Variants in KANSL3 observed in about 807,000 individuals in gnomAD.
KANSL3 encodes NSL complex protein NSL3.
A neutral mutation model predicts 89.2 loss-of-function variants in KANSL3; 16 were observed. The ratio of observed to expected loss-of-function variants is 0.18; its 90% CI spans 0.12 to 0.27. The LOEUF is 0.27. KANSL3 is among the 10% of genes least tolerant of loss of function. The pLI is 1.00. For synonymous variants in KANSL3, 385 were observed against 419.7 expected, an observed-to-expected ratio of 0.92 and a Z score of 1.01; for missense variants, 879 against 1,110.6, an observed-to-expected ratio of 0.79 and a Z score of 2.96.
At chr2:96,603,405 A>C (rs2067479218) in intron 17 of KANSL3, 1 of 152,698 alleles carries the variant, frequency 6.5e-6, no homozygotes, top group Non-Finnish European at 1.5e-5. Flanking sequence ...GCCTCAGCCT[A>C]CCAAGCAGCT....
At chr2:96,633,500 C>T (rs910039058) in intron 2 of KANSL3, among the ~76,000 whole-genome samples, 4 of 149,140 alleles carry the variant, frequency 2.7e-5, no homozygotes, top group Admixed American at 6.8e-5. Context: ...ACCCGGGAGA[C>T]GGAGGTTGCA....
chr2:96,622,046 G>A (rs1402346673), intron 3 of KANSL3, among the ~76,000 whole-genome samples: 2 of 151,936 alleles, frequency 1.3e-5, no homozygotes, highest in Non-Finnish European at 1.5e-5. Context: ...CCTGGGAGGC[G>A]GAGGTTGCAG....
At chr2:96,628,224 C>A in intron 3 of KANSL3, 1 of 1,233,444 alleles carries the variant, frequency 8.1e-7, no homozygotes, top group Non-Finnish European at 1.0e-6. Flanking sequence ...TGCTGTGCCT[C>A]CTGTGTAGAC....
chr2:96,613,357 C>G (rs2069363170), intron 6 of KANSL3, 131 bp downstream of exon 6: 2 of 750,788 alleles, frequency 2.7e-6, no homozygotes, highest in African/African-American at 3.6e-5. Flanking sequence ...GGTAACAGAG[C>G]AAGATTCTGT....
At chr2:96,612,389 G>A (rs2069166622) in intron 8 of KANSL3, 36 bp from the exon 9 acceptor site, 1 of 1,605,834 alleles carries the variant, frequency 6.2e-7, no homozygotes, top group East Asian at 2.2e-5. Flanking sequence ...TAAGACAGGA[G>A]GCCAAAGATA....
At chr2:96,592,603 C>T (rs1056802758), downstream of KANSL3, among the ~76,000 whole-genome samples, 1 of 152,202 alleles carries the variant, frequency 6.6e-6, no homozygotes, top group Non-Finnish European at 1.5e-5. Flanking sequence ...AACCCTAGCA[C>T]AATGCAGAGT....
Position 96,605,438 on chromosome 2 carries a change from G to A in KANSL3, c.1815C>T (p.Pro605=). 6.2e-7 allele frequency: 1 copy of A among 1,613,976 alleles called. No homozygotes were observed. Among genetic ancestry groups the A allele is most frequent in the South Asian group, 1.1e-5 (1 of 91,080 alleles). The change falls in exon 15 of 21, where the codon CCC becomes CCT. Residue 605 remains proline (P), a synonymous_variant. Coordinates refer to ENST00000431828, the MANE Select transcript of KANSL3 (RefSeq NM_001115016.3). ...DLRVQLKRHH[P]SSPLPGSKTS... is the part of the protein sequence containing the mutation. ...TCTTACTGCCAGGAAGGGGACTCGA[G>A]GGATGGTGTCGCTTCAGCTGAACCC... is the stretch of plus-strand genomic sequence containing the variant.
intron 16 of KANSL3, 97 bp from the exon 17 acceptor site, chr2:96,604,477 C>A: frequency 7.2e-7 from 1 of 1,396,480 alleles, no homozygotes; most frequent in South Asian, 1.4e-5. Flanking sequence ...GCAAGGCTTT[C>A]AGCAGCAGAC....
At chr2:96,632,431 C>T (rs1325696348) in intron 2 of KANSL3, among the ~76,000 whole-genome samples, 1 of 152,170 alleles carries the variant, frequency 6.6e-6, no homozygotes, top group Non-Finnish European at 1.5e-5. Context: ...CACTGCACTC[C>T]AGTCTGGGTG....
intron 3 of KANSL3, among the ~76,000 whole-genome samples, chr2:96,626,256 A>G (rs1442732104): frequency 6.6e-6 from 1 of 152,018 alleles, no homozygotes; most frequent in Non-Finnish European, 1.5e-5. Context: ...GGAGACACAA[A>G]GTACATCAGA....
At chr2:96,602,969 T>C in intron 17 of KANSL3, 107 bp from the exon 18 acceptor site, 1 of 1,013,342 alleles carries the variant, frequency 9.9e-7, no homozygotes, top group South Asian at 1.4e-5. Context: ...CAGTGGTGCT[T>C]GCCCTTGGAC....
At chr2:96,627,866 T>C (rs1189524158) in intron 3 of KANSL3, 1 of 1,269,948 alleles carries the variant, frequency 7.9e-7, no homozygotes, top group African/African-American at 1.5e-5. Flanking sequence ...TATCTGAAAC[T>C]GAAACTAATA....
intron 1 of KANSL3, among the ~76,000 whole-genome samples, chr2:96,637,439 G>A (rs1172644707): frequency 2.6e-5 from 4 of 152,090 alleles, no homozygotes; most frequent in Non-Finnish European, 5.9e-5. Context: ...AGAGCTCACC[G>A]ACCCCAAGGT....
downstream of KANSL3, among the ~76,000 whole-genome samples, chr2:96,592,463 C>G (rs2066293746): frequency 6.6e-6 from 1 of 152,174 alleles, no homozygotes; most frequent in African/African-American, 2.4e-5. Context: ...TAGGCTCAGC[C>G]AAGAGCCCCA....
chr2:96,603,943 G>A (rs1295693537), intron 17 of KANSL3: 1 of 213,080 alleles, frequency 4.7e-6, no homozygotes, highest in Non-Finnish European at 9.2e-6. Context: ...ATCTCCTGTG[G>A]ATAAGAAAGG....
rs2068367038 is a variant in KANSL3 at position 96,608,613 on chromosome 2, T to A, written c.1636A>T (p.Thr546Ser). The A allele has an allele frequency of 6.2e-7, 1 of 1,613,992 alleles. No homozygotes were observed. Among genetic ancestry groups the A allele is most frequent in the South Asian group, 1.1e-5 (1 of 91,076 alleles). ...GACTTCTGGGCAGAGGTCACTGTGG[T>A]CACTTTGGTCTTGGGACTGGAGGTG... is the stretch of plus-strand genomic sequence containing the variant. ...SPTSSPKTKV[T>S]TVTSAQKSSQ... The change falls in exon 14 of 21, where the codon ACC (threonine) becomes TCC (serine). Residue 546 changes from threonine (T) to serine (S), a missense_variant. Physicochemically the swap from Thr to Ser is moderately conservative, Grantham distance 58. Transcript: ENST00000431828.
At chr2:96,586,144 G>A in the KANSL3 span, among the ~76,000 whole-genome samples, 1 of 151,082 alleles carries the variant, frequency 6.6e-6, no homozygotes, top group African/African-American at 2.4e-5. Context: ...AGAATCACTT[G>A]AACCCGGGAG....
chr2:96,599,950 T>A lies in KANSL3; in HGVS notation c.2616+1693A>T, dbSNP rs141536628. On this transcript the variant is annotated intron_variant, in intron 20 of 20. Coordinates refer to ENST00000431828, the MANE Select transcript of KANSL3 (RefSeq NM_001115016.3). The stretch of plus-strand genomic sequence containing the variant: ...GCTGCCCAGATATTAGAGGTACACA[T>A]CCTCTACTTATTCTCTGGCCTGGAG... Among the ~76,000 whole-genome samples the A allele has an allele frequency of 1.1e-4, 17 of 152,290 alleles. No individual in the cohort carries two copies. The East Asian group carries it at 2.9e-3, about 26-fold the overall frequency.
At chr2:96,585,383 A>T in the KANSL3 span, among the ~76,000 whole-genome samples, 1 of 152,208 alleles carries the variant, frequency 6.6e-6, no homozygotes, top group Non-Finnish European at 1.5e-5. Flanking sequence ...AATGCTCAAC[A>T]CCACTAATTA....
Sources: gnomAD v4.1 joint callset for allele counts (sites outside exome capture counted in the v4.1 genomes callset) on GRCh38, gnomAD v4.1.1 for gene constraint, MANE v1.5 for transcripts, NCBI Gene and HGNC (gene_info 2026-07-23, HGNC 2026-07-21) for gene names.